LTBP1: variants seen among roughly 807,000 people sequenced by gnomAD.
The protein encoded by LTBP1 is latent-transforming growth factor beta-binding protein 1.
LTBP1 carries 129 observed loss-of-function variants against 207.6 expected under a neutral mutation model. The ratio of observed to expected loss-of-function variants is 0.62; its 90% CI spans 0.54 to 0.72. The LOEUF is 0.72. LTBP1 is among the 30% of genes least tolerant of loss of function. LTBP1 has a pLI of 0.00. For missense variants in LTBP1, 2,281 were observed against 2,217.2 expected (o/e 1.03, Z -0.58); for synonymous variants, 963 against 833.7 (o/e 1.16, Z -2.67).
At chr2:33,201,324 G>T (rs2089234377) in intron 7 of LTBP1, among the ~76,000 whole-genome samples, 1 of 152,138 alleles carries the variant, frequency 6.6e-6, no homozygotes, top group Non-Finnish European at 1.5e-5. Context: ...CATGTCCTTT[G>T]TAGGGACAGG....
chr2:33,299,409 G>C (rs569503328), intron 20 of LTBP1, among the ~76,000 whole-genome samples: 1 of 152,080 alleles, frequency 6.6e-6, no homozygotes. Flanking sequence ...TATAGGACAT[G>C]GTTTTTAAAA....
At position 33,206,730 on chromosome 2, in the gene LTBP1, C is replaced by T. The variant is rs534029961; in HGVS notation, c.1702-10822C>T. On this transcript the variant is annotated intron_variant, in intron 7 of 33. Transcript: ENST00000404816. Reference sequence around the variant, plus strand: ...CTCCAGCCTGGGCGACAGAGCAAGACTCCATTTCAAAAAAAAAAAAAAAAG... The same window carrying T: ...CTCCAGCCTGGGCGACAGAGCAAGATTCCATTTCAAAAAAAAAAAAAAAAG... 1.4e-4 allele frequency among the ~76,000 whole-genome samples: 20 copies of T among 144,564 alleles called. No homozygotes were observed. In the East Asian group the frequency reaches 3.6e-3, roughly 26 times the overall value. 94.8% of individuals were successfully genotyped at this position (144,564 alleles called of 152,430 possible). A position where few individuals can be genotyped will look rare whatever the true frequency, so the allele number is the denominator to read the frequency against.
chr2:32,960,140 C>G (rs1345983423), intron 2 of LTBP1, among the ~76,000 whole-genome samples: 2 of 152,146 alleles, frequency 1.3e-5, no homozygotes, highest in Non-Finnish European at 2.9e-5. Context: ...GGCTGTGAAA[C>G]TTCAAGCAGA....
At position 33,257,381 on chromosome 2, in the gene LTBP1, A is replaced by G. The variant is rs371560954; in HGVS notation, c.2265A>G (p.Val755=). The change falls in exon 12 of 34, where the codon GTA becomes GTG. Residue 755 remains valine, a synonymous_variant. Transcript: ENST00000404816. The part of the protein sequence containing the change: ...PIHHHVGKGP[V]FVKPKNTQPV... Reference sequence around the variant, plus strand: ...ATCACCATGTAGGTAAAGGACCTGTATTTGTCAAGCCAAAGAACACTCAAC... The same window carrying G: ...ATCACCATGTAGGTAAAGGACCTGTGTTTGTCAAGCCAAAGAACACTCAAC... 17 of 1,614,186 alleles carry G rather than the reference A, an allele frequency of 1.1e-5. No individual in the cohort carries two copies. The African/African-American group carries it at 1.6e-4, about 15-fold the overall frequency.
Position 33,186,982 on chromosome 2 carries a change from A to G in LTBP1, c.1328A>G (p.Tyr443Cys), listed in dbSNP as rs767502677. ...PVHGASVPKLYQHSQQPGKAL... is the reference protein window; with the variant it reads ...PVHGASVPKLCQHSQQPGKAL... The stretch of plus-strand genomic sequence containing the variant: ...CATGGTGCCAGCGTGCCTAAACTTT[A>G]TCAGCATTCCCAGCAGCCAGGCAAG... Residue 443 changes from tyrosine (Y) to cysteine (C), a missense_variant, in exon 6 of 34, where the codon TAT (tyrosine) becomes TGT (cysteine). Around this residue, in one of 3 missense-constraint regions of LTBP1, gnomAD observed 1,671 missense variants for 1,634.8 expected, o/e 1.02. Transcript: ENST00000404816. The G allele has an allele frequency of 6.2e-7, 1 of 1,614,210 alleles. No homozygotes were observed. The highest frequency in any genetic ancestry group is 1.7e-5 in the Admixed American group (1 of 60,024).
At chr2:33,035,651 C>T (rs2075884967) in intron 3 of LTBP1, among the ~76,000 whole-genome samples, 1 of 152,196 alleles carries the variant, frequency 6.6e-6, no homozygotes, top group Non-Finnish European at 1.5e-5. Context: ...ATTTAATAGT[C>T]TACAAATATT....
chr2:33,293,280 G>A lies in LTBP1; in HGVS notation c.3233G>A (p.Arg1078Lys). The change falls in exon 20 of 34, where the codon AGA becomes AAA. Residue 1078 changes from arginine to lysine, a missense_variant and splice_region_variant. Around this residue, in one of 3 missense-constraint regions of LTBP1, gnomAD observed 1,671 missense variants for 1,634.8 expected, o/e 1.02. Coordinates refer to ENST00000404816, the MANE Select transcript of LTBP1 (RefSeq NM_206943.4). ...CGGACTCCGGACCACAAGCACTGTA[G>A]AGGTAAATACTGTGATCAAGTTTCC... ...YTRTPDHKHC[R>K]DIDECQQGNL... The A allele has an allele frequency of 1.9e-6, 3 of 1,608,646 alleles. No individual in the cohort carries two copies. Among genetic ancestry groups the A allele is most frequent in the Non-Finnish European group, 2.5e-6 (3 of 1,178,800 alleles).
At chr2:33,167,241 G>T (rs2084997797) in intron 5 of LTBP1, among the ~76,000 whole-genome samples, 1 of 151,878 alleles carries the variant, frequency 6.6e-6, no homozygotes, top group Non-Finnish European at 1.5e-5. Flanking sequence ...ATTGACTGCT[G>T]ATTTAGGGCT....
At chr2:33,050,408 G>C (rs563330821) in intron 3 of LTBP1, among the ~76,000 whole-genome samples, 2 of 152,076 alleles carry the variant, frequency 1.3e-5, no homozygotes, top group Non-Finnish European at 2.9e-5. Context: ...AAGGTAAAAA[G>C]TAGGATCGGA....
intron 31 of LTBP1, 45 bp from the exon 32 acceptor site, chr2:33,389,139 C>G (rs764090495): frequency 1.2e-6 from 2 of 1,611,404 alleles, no homozygotes; most frequent in Non-Finnish European, 1.7e-6. Context: ...GGGGCAGGTG[C>G]GAGCTAACAG....
chr2:33,299,854 G>A (rs913922788), intron 20 of LTBP1, among the ~76,000 whole-genome samples: 3 of 152,110 alleles, frequency 2.0e-5, no homozygotes, highest in African/African-American at 4.8e-5. Flanking sequence ...TCTTGTCAAA[G>A]CATGTTTAAA....
At chr2:33,300,645 C>A in intron 21 of LTBP1, 72 bp downstream of exon 21, 1 of 1,481,366 alleles carries the variant, frequency 6.8e-7, no homozygotes, top group Non-Finnish European at 9.1e-7. Flanking sequence ...TACGCTCAAT[C>A]AAGTGAGTTT....
At chr2:33,201,406 C>T (rs1024703465) in intron 7 of LTBP1, among the ~76,000 whole-genome samples, 5 of 150,230 alleles carry the variant, frequency 3.3e-5, no homozygotes, top group African/African-American at 9.8e-5. Context: ...CATATTCTCA[C>T]TCATAGGTGG....
At chr2:33,226,863 A>G (rs1341610388) in intron 9 of LTBP1, among the ~76,000 whole-genome samples, 2 of 152,188 alleles carry the variant, frequency 1.3e-5, no homozygotes, top group East Asian at 3.9e-4. Context: ...ATTAGTGCTC[A>G]GAAAATAAGT....
intron 19 of LTBP1, among the ~76,000 whole-genome samples, chr2:33,291,206 G>T (rs555518216): frequency 6.6e-5 from 10 of 152,296 alleles, no homozygotes; most frequent in African/African-American, 2.4e-4. Flanking sequence ...TTAATCATGA[G>T]TAGCCTAGAA....
chr2:33,099,699 C>G (rs923052522), intron 3 of LTBP1, among the ~76,000 whole-genome samples: 1 of 152,106 alleles, frequency 6.6e-6, no homozygotes, highest in Non-Finnish European at 1.5e-5. Context: ...TTTATTCTTC[C>G]CCTGTGTTGA....
chr2:33,170,246 C>A (rs1330169928), intron 5 of LTBP1, among the ~76,000 whole-genome samples: 5 of 152,184 alleles, frequency 3.3e-5, no homozygotes, highest in African/African-American at 9.6e-5. Context: ...GTTCCCTTTC[C>A]TAGTCAAAGA....
intron 2 of LTBP1, among the ~76,000 whole-genome samples, chr2:32,951,317 A>G (rs1007559187): frequency 6.6e-6 from 1 of 152,240 alleles, no homozygotes; most frequent in African/African-American, 2.4e-5. Flanking sequence ...CTTAATTCAC[A>G]GCTCTCTTCA....
intron 5 of LTBP1, among the ~76,000 whole-genome samples, chr2:33,143,787 G>GTTTTTTTTTTTTT (rs78245020): frequency 7.1e-6 from 1 of 141,788 alleles, no homozygotes. Context: ...GTTTTTTGTT[G>GTTTTTTTTTTTTT]TTTTTTTTTT....
Sources: allele counts gnomAD v4.1 joint callset (sites outside exome capture counted in the v4.1 genomes callset), GRCh38; gene constraint gnomAD v4.1.1; regional missense constraint gnomAD v4.1.1; transcripts MANE v1.5; gene names NCBI Gene and HGNC (gene_info 2026-07-23, HGNC 2026-07-21).